Variants in CNBD1 observed in about 807,000 individuals in gnomAD.
CNBD1 encodes cyclic nucleotide-binding domain-containing protein 1.
A neutral mutation model predicts 54.4 loss-of-function variants in CNBD1; 71 were observed. The ratio of observed to expected loss-of-function variants is 1.30; its 90% CI spans 1.08 to 1.59. The LOEUF is 1.59. CNBD1 is among the 40% of genes most tolerant of loss of function. The probability of loss-of-function intolerance (pLI) is 0.00; values close to 1 mark genes in which losing one functional copy is unlikely to be tolerated. For missense variants in CNBD1, 659 were observed against 518.0 expected (o/e 1.27, Z -2.64); for synonymous variants, 182 against 170.7 (o/e 1.07, Z -0.51).
At chr8:87,217,509 C>T (rs1814237465) in intron 5 of CNBD1, among the ~76,000 whole-genome samples, 1 of 148,690 alleles carries the variant, frequency 6.7e-6, no homozygotes, top group African/African-American at 2.5e-5. Context: ...AGACAACAAA[C>T]ATGGAAAAAA....
At chr8:87,332,191 T>A (rs919664688) in intron 8 of CNBD1, among the ~76,000 whole-genome samples, 1 of 152,042 alleles carries the variant, frequency 6.6e-6, no homozygotes, top group African/African-American at 2.4e-5. Context: ...CTATTAAAAA[T>A]ACAAAAATTA....
intron 10 of CNBD1, among the ~76,000 whole-genome samples, chr8:87,382,096 A>G (rs1158336283): frequency 6.6e-6 from 1 of 151,994 alleles, no homozygotes. Context: ...TAAAAATGTT[A>G]TTAAATAATA....
chr8:87,408,481 C>A (rs559055154), intron 2 of CNBD1, among the ~76,000 whole-genome samples: 4 of 151,944 alleles, frequency 2.6e-5, no homozygotes, highest in Non-Finnish European at 5.9e-5. Flanking sequence ...ATTACTTAAA[C>A]TTGATATTCT....
chr8:87,040,543 C>G (rs1810045422), intron 4 of CNBD1, among the ~76,000 whole-genome samples: 1 of 151,152 alleles, frequency 6.6e-6, no homozygotes, highest in South Asian at 2.1e-4. Context: ...CCTGCCTCAG[C>G]CTCCCATGTA....
chr8:87,382,592 T>C (rs960599441), intron 10 of CNBD1, 28 bp from the exon 11 acceptor site: 11 of 1,530,672 alleles, frequency 7.2e-6, no homozygotes, highest in Non-Finnish European at 9.7e-6. Flanking sequence ...ATTATGTAAC[T>C]TCTTGTTTGT....
At chr8:87,330,433 T>G (rs1030241399) in intron 8 of CNBD1, among the ~76,000 whole-genome samples, 1 of 152,092 alleles carries the variant, frequency 6.6e-6, no homozygotes, top group African/African-American at 2.4e-5. Flanking sequence ...CTTAATGTGA[T>G]TCCCCTCTAA....
intron 8 of CNBD1, among the ~76,000 whole-genome samples, chr8:87,323,537 C>T (rs1233547145): frequency 8.3e-6 from 1 of 120,754 alleles, no homozygotes; most frequent in Non-Finnish European, 1.8e-5. Flanking sequence ...AAGTTGGATT[C>T]CTAGGTATTT....
chr8:86,979,182 T>C (rs1379971828), intron 4 of CNBD1, among the ~76,000 whole-genome samples: 1 of 152,012 alleles, frequency 6.6e-6, no homozygotes, highest in Non-Finnish European at 1.5e-5. Flanking sequence ...TATTAGTCAC[T>C]GAAGAACAAG....
chr8:87,119,691 C>A (rs1449140917), intron 4 of CNBD1, among the ~76,000 whole-genome samples: 1 of 152,020 alleles, frequency 6.6e-6, no homozygotes, highest in Non-Finnish European at 1.5e-5. Flanking sequence ...AGTCCTTTTC[C>A]ATTAAATATG....
chr8:87,394,988 T>A (rs1466875091), intron 2 of CNBD1, among the ~76,000 whole-genome samples: 11 of 152,006 alleles, frequency 7.2e-5, no homozygotes, highest in Admixed American at 5.9e-4. Context: ...AACGATAGTG[T>A]TTTAACGTTG....
At chr8:87,246,131 T>A (rs967017092) in intron 6 of CNBD1, among the ~76,000 whole-genome samples, 1 of 152,168 alleles carries the variant, frequency 6.6e-6, no homozygotes, top group African/African-American at 2.4e-5. Flanking sequence ...CTTTAATTTT[T>A]AAATTTTTCT....
chr8:87,102,903 A>C (rs1811460429), intron 4 of CNBD1, among the ~76,000 whole-genome samples: 1 of 152,098 alleles, frequency 6.6e-6, no homozygotes, highest in Admixed American at 6.6e-5. Flanking sequence ...TGTGAGCCAC[A>C]GCGCTCGGCC....
At chr8:87,308,997 G>T (rs1303689167) in intron 8 of CNBD1, among the ~76,000 whole-genome samples, 1 of 151,956 alleles carries the variant, frequency 6.6e-6, no homozygotes, top group Non-Finnish European at 1.5e-5. Context: ...TTTCTTGATG[G>T]ACATTTACAT....
Position 87,034,920 on chromosome 8 carries a change from A to G in CNBD1, c.431+95166A>G, listed in dbSNP as rs200799104. Among the ~76,000 whole-genome samples, 34 of 152,248 alleles carry G rather than the reference A, an allele frequency of 2.2e-4. No individual in the cohort carries two copies. In the East Asian group the frequency reaches 6.2e-3, roughly 28 times the overall value. ...AGATATGTACAATTTAAGTTCTTAG[A>G]TGGTCAATGTACATCTCTGGATAAT... is the stretch of plus-strand genomic sequence containing the variant. On this transcript the variant is annotated intron_variant, in intron 4 of 10. Transcript: ENST00000518476.
intron 4 of CNBD1, among the ~76,000 whole-genome samples, chr8:87,191,396 A>G (rs1043056742): frequency 6.6e-6 from 1 of 152,124 alleles, no homozygotes; most frequent in Non-Finnish European, 1.5e-5. Context: ...ACCCAAATTG[A>G]GGGTGGGTCT....
intron 5 of CNBD1, among the ~76,000 whole-genome samples, chr8:87,230,802 A>C (rs1435411025): frequency 6.6e-6 from 1 of 152,184 alleles, no homozygotes; most frequent in Non-Finnish European, 1.5e-5. Flanking sequence ...GTTGCTTCTT[A>C]AGGAGTCATT....
At chr8:87,337,437 G>C (rs887073885) in intron 8 of CNBD1, among the ~76,000 whole-genome samples, 11 of 152,214 alleles carry the variant, frequency 7.2e-5, no homozygotes, top group Admixed American at 3.9e-4. Flanking sequence ...TGCAGCCACA[G>C]TGTTGGCTGC....
intron 8 of CNBD1, among the ~76,000 whole-genome samples, chr8:87,342,579 C>G (rs920314654): frequency 3.9e-5 from 6 of 152,008 alleles, no homozygotes; most frequent in Admixed American, 2.6e-4. Flanking sequence ...TCTGTTTTCC[C>G]TAAGTGTCAG....
intron 1 of CNBD1, among the ~76,000 whole-genome samples, chr8:86,883,970 T>G (rs934440831): frequency 2.6e-5 from 4 of 151,658 alleles, no homozygotes; most frequent in Admixed American, 1.3e-4. Context: ...GCTAAAACGG[T>G]GAAACCCCGT....
Sources: allele counts gnomAD v4.1 joint callset (sites outside exome capture counted in the v4.1 genomes callset), GRCh38; gene constraint gnomAD v4.1.1; transcripts MANE v1.5; gene names NCBI Gene and HGNC (gene_info 2026-07-23, HGNC 2026-07-21).